The following MAF variants were observed in gnomAD, a reference collection of about 807,000 sequenced individuals.
MAF encodes transcription factor Maf.
In MAF, 10 loss-of-function variants were observed where a neutral mutation model predicts 22.0. That is an observed-to-expected ratio of 0.45 (90% CI 0.28 to 0.77). The LOEUF (loss-of-function observed/expected upper bound fraction) is 0.77, where lower values mean the gene tolerates loss of function less well. Among genes scored for constraint, MAF ranks in the 30% least tolerant of loss-of-function variants. The probability of loss-of-function intolerance (pLI) is 0.12; values close to 1 mark genes in which losing one functional copy is unlikely to be tolerated. For missense variants in MAF, 544 were observed against 548.4 expected (o/e 0.99, Z 0.08); for synonymous variants, 337 against 255.8 (o/e 1.32, Z -3.03).
the MAF span, among the ~76,000 whole-genome samples, chr16:79,217,080 G>T: frequency 6.6e-6 from 1 of 152,200 alleles, no homozygotes; most frequent in African/African-American, 2.4e-5. Flanking sequence ...AGAGTGCTGG[G>T]ATTACAGGCA....
the MAF span, among the ~76,000 whole-genome samples, chr16:79,362,721 A>G: frequency 1.3e-5 from 2 of 152,216 alleles, no homozygotes; most frequent in Non-Finnish European, 2.9e-5. Context: ...TTTACATTCT[A>G]CACTTTAAAG....
chr16:79,450,731 G>A, the MAF span, among the ~76,000 whole-genome samples: 1 of 152,020 alleles, frequency 6.6e-6, no homozygotes, highest in Admixed American at 6.5e-5. Context: ...AGATGGAGAT[G>A]GAGAGTAATC....
At chr16:79,316,192 A>G in the MAF span, among the ~76,000 whole-genome samples, 2 of 152,342 alleles carry the variant, frequency 1.3e-5, no homozygotes, top group Non-Finnish European at 2.9e-5. Context: ...TCCATTTCCA[A>G]TTTGATGGTG....
the MAF span, among the ~76,000 whole-genome samples, chr16:79,336,841 A>T: frequency 6.6e-4 from 100 of 152,366 alleles, no homozygotes; most frequent in African/African-American, 2.3e-3. Flanking sequence ...GCTACAAATT[A>T]ATGAATGCAG....
chr16:79,443,466 C>A, the MAF span, among the ~76,000 whole-genome samples: 1 of 152,162 alleles, frequency 6.6e-6, no homozygotes, highest in Non-Finnish European at 1.5e-5. Flanking sequence ...CCTGGGCTTC[C>A]TGGGGGCAGT....
chr16:79,417,243 G>T, the MAF span, among the ~76,000 whole-genome samples: 2 of 152,186 alleles, frequency 1.3e-5, no homozygotes, highest in Non-Finnish European at 2.9e-5. Context: ...CTTCCATCTT[G>T]AGGTCATTAA....
chr16:79,569,859 G>C, the MAF span, among the ~76,000 whole-genome samples: 1 of 152,156 alleles, frequency 6.6e-6, no homozygotes, highest in African/African-American at 2.4e-5. Context: ...GGAGGCAGGG[G>C]TCAAAGTAAA....
At chr16:79,358,965 C>A in the MAF span, among the ~76,000 whole-genome samples, 1 of 152,130 alleles carries the variant, frequency 6.6e-6, no homozygotes, top group South Asian at 2.1e-4. Flanking sequence ...GGGAAGGCCA[C>A]AGATTTAGAG....
chr16:79,310,173 C>T, the MAF span, among the ~76,000 whole-genome samples: 3 of 152,132 alleles, frequency 2.0e-5, no homozygotes, highest in African/African-American at 7.2e-5. Flanking sequence ...CAAGGTTCAG[C>T]CACCCTTTTG....
the MAF span, among the ~76,000 whole-genome samples, chr16:79,579,267 G>A: frequency 2.6e-5 from 4 of 152,194 alleles, no homozygotes. Context: ...TAAAGAAAAT[G>A]TGCTTATATC....
chr16:79,256,545 A>G, the MAF span, among the ~76,000 whole-genome samples: 1 of 152,158 alleles, frequency 6.6e-6, no homozygotes, highest in Non-Finnish European at 1.5e-5. Context: ...ACAGACAAGG[A>G]CACACCAGGA....
At chr16:79,208,727 T>A in the MAF span, among the ~76,000 whole-genome samples, 1 of 152,192 alleles carries the variant, frequency 6.6e-6, no homozygotes, top group African/African-American at 2.4e-5. Context: ...AGTCTTATTC[T>A]GATGATATGT....
the MAF span, among the ~76,000 whole-genome samples, chr16:79,285,184 C>G: frequency 2.6e-5 from 4 of 152,130 alleles, no homozygotes; most frequent in East Asian, 7.7e-4. Flanking sequence ...GCTGCTCTCC[C>G]CAGCAGCTTT....
chr16:79,460,291 T>C, the MAF span, among the ~76,000 whole-genome samples: 9 of 152,222 alleles, frequency 5.9e-5, no homozygotes, highest in African/African-American at 1.9e-4. Context: ...TCTACTGAGA[T>C]GTAAAAGATC....
chr16:79,492,424 G>C, the MAF span, among the ~76,000 whole-genome samples: 1 of 151,970 alleles, frequency 6.6e-6, no homozygotes, highest in Non-Finnish European at 1.5e-5. Context: ...CTGTATTTGG[G>C]CAATTTACAT....
chr16:79,277,859 C>T, the MAF span, among the ~76,000 whole-genome samples: 4 of 152,242 alleles, frequency 2.6e-5, no homozygotes, highest in African/African-American at 9.6e-5. Flanking sequence ...CTTTAGGAGG[C>T]ATTATATCTG....
At chr16:79,578,485 G>C in the MAF span, among the ~76,000 whole-genome samples, 1 of 151,888 alleles carries the variant, frequency 6.6e-6, no homozygotes, top group African/African-American at 2.4e-5. Flanking sequence ...ATTATGTAGT[G>C]CTTTGTTTCT....
At chr16:79,211,015 G>C in the MAF span, among the ~76,000 whole-genome samples, 2 of 138,850 alleles carry the variant, frequency 1.4e-5, 1 homozygote, top group African/African-American at 5.4e-5. Context: ...TTTGTGCTAA[G>C]TATGAATGTA....
At chr16:79,532,341 T>A in the MAF span, among the ~76,000 whole-genome samples, 502 of 152,298 alleles carry the variant, frequency 3.3e-3, 3 homozygotes, top group Middle Eastern at 6.8e-3. Context: ...ACAAATATTT[T>A]ATGCAAATAA....
Sources: allele counts gnomAD v4.1 joint callset (sites outside exome capture counted in the v4.1 genomes callset), GRCh38; gene constraint gnomAD v4.1.1; transcripts MANE v1.5; gene names NCBI Gene and HGNC (gene_info 2026-07-23, HGNC 2026-07-21).